The following SLC22A3 variants were observed in gnomAD, a reference collection of about 807,000 sequenced individuals.
SLC22A3 encodes the protein solute carrier family 22 member 3.
A neutral mutation model predicts 59.1 loss-of-function variants in SLC22A3; 51 were observed. That is an observed-to-expected ratio of 0.86 (90% CI 0.69 to 1.09). SLC22A3 has a LOEUF of 1.09. SLC22A3 is among the 50% of genes least tolerant of loss of function. The pLI, the probability that SLC22A3 is intolerant of heterozygous loss-of-function variation, is 0.00. For missense variants in SLC22A3, 711 were observed against 726.3 expected (o/e 0.98, Z 0.24); for synonymous variants, 325 against 292.0 (o/e 1.11, Z -1.15).
At chr6:160,441,240 C>T (rs1357075528) in intron 7 of SLC22A3, among the ~76,000 whole-genome samples, 1 of 152,146 alleles carries the variant, frequency 6.6e-6, no homozygotes, top group African/African-American at 2.4e-5. Flanking sequence ...CCACTTTCCC[C>T]TTCCAGTACC....
At position 160,386,328 on chromosome 6, in the gene SLC22A3, T is replaced by A. The variant is rs570079677; in HGVS notation, c.430-11651T>A. ...AGGAAGGGGAAATAGAAGGAAATAT[T>A]TGAAGAGGAAAGGTTGTGGCACTGC... On this transcript the variant is annotated intron_variant, in intron 1 of 10. Coordinates refer to ENST00000275300, the MANE Select transcript of SLC22A3 (RefSeq NM_021977.4). Among the ~76,000 whole-genome samples the A allele has an allele frequency of 3.3e-5, 5 of 152,366 alleles. No individual in the cohort carries two copies. In the South Asian group the frequency reaches 8.3e-4, roughly 25 times the overall value.
intron 8 of SLC22A3, 37 bp downstream of exon 8, chr6:160,442,906 C>T: frequency 4.8e-6 from 7 of 1,471,068 alleles, no homozygotes; most frequent in Non-Finnish European, 6.7e-6. Context: ...TCCTAAGTAA[C>T]TCTGTAGACC....
At chr6:160,368,586 A>C (rs530712955) in intron 1 of SLC22A3, among the ~76,000 whole-genome samples, 26 of 152,176 alleles carry the variant, frequency 1.7e-4, no homozygotes, top group African/African-American at 6.3e-4. Context: ...AGGCACATTC[A>C]TCATCTCTAC....
intron 10 of SLC22A3, among the ~76,000 whole-genome samples, chr6:160,449,444 A>C (rs2941383): frequency 0.84 from 128,463 of 152,104 alleles, 54,448 homozygotes; most frequent in East Asian, 1. Flanking sequence ...GAAAAAAAAT[A>C]TAGTAGAAGT....
At chr6:160,405,178 A>G (rs937132725) in intron 2 of SLC22A3, among the ~76,000 whole-genome samples, 2 of 152,172 alleles carry the variant, frequency 1.3e-5, no homozygotes, top group African/African-American at 2.4e-5. Flanking sequence ...CTGTTATCCA[A>G]AATATATAAA....
Position 160,442,850 on chromosome 6 carries a change from T to A in SLC22A3, c.1378T>A (p.Leu460Met). ...FEIVYLVNSE[L>M]YPTTLRNFGV... Reference sequence around the variant, plus strand: ...AATTGTTTATTTGGTAAATTCAGAATTGTACCCAACAACATTACGGTAATT... The same window carrying A: ...AATTGTTTATTTGGTAAATTCAGAAATGTACCCAACAACATTACGGTAATT... Residue 460 changes from leucine (L) to methionine (M), a missense_variant, in exon 8 of 11, where the codon TTG (leucine) becomes ATG (methionine). Transcript: ENST00000275300. The A allele has an allele frequency of 1.9e-6, 3 of 1,612,890 alleles. No individual in the cohort carries two copies. The highest frequency in any genetic ancestry group is 8.5e-7 in the Non-Finnish European group (1 of 1,178,876).
rs886935657 is a variant in SLC22A3 at position 160,451,864 on chromosome 6, T to A, written c.*808T>A. 6.6e-6 allele frequency: 1 copy of A among 152,200 alleles called. No homozygotes were observed. The highest frequency in any genetic ancestry group is 1.5e-5 in the Non-Finnish European group (1 of 68,022). 9.4% of individuals were successfully genotyped at this position (152,200 alleles called of 1,614,324 possible). ...TCCCTTCTTTACTAAACAAATCCCA[T>A]GGATTCTGATTTCTGGGTCTTAGGA... is the stretch of plus-strand genomic sequence containing the variant. On this transcript the variant is annotated 3_prime_UTR_variant, in exon 11 of 11. Transcript: ENST00000275300.
At chr6:160,377,569 C>T (rs1382055838) in intron 1 of SLC22A3, among the ~76,000 whole-genome samples, 1 of 152,084 alleles carries the variant, frequency 6.6e-6, no homozygotes, top group African/African-American at 2.4e-5. Flanking sequence ...TGTCTTAAGG[C>T]TGGAGTGGAC....
chr6:160,403,891 A>C (rs2114845473), intron 2 of SLC22A3, among the ~76,000 whole-genome samples: 1 of 152,116 alleles, frequency 6.6e-6, no homozygotes, highest in East Asian at 1.9e-4. Flanking sequence ...CTCTCAGTAA[A>C]CTAGAAATAT....
rs771417375 is a variant in SLC22A3 at position 160,442,752 on chromosome 6, T to G, written c.1289-9T>G. 1 of 1,602,132 alleles carries G rather than the reference T, an allele frequency of 6.2e-7. No individual in the cohort carries two copies. Among genetic ancestry groups the G allele is most frequent in the South Asian group, 1.1e-5 (1 of 90,862 alleles). On this transcript the variant is annotated splice_polypyrimidine_tract_variant and intron_variant, in intron 7 of 10. Coordinates refer to ENST00000275300, the MANE Select transcript of SLC22A3 (RefSeq NM_021977.4). ...TAACTCCTCCCTTTCAAACTTTCTG[T>G]GTTTGCAGGAATAGCATGGTTGAGG...
chr6:160,357,319 C>T lies in SLC22A3; in HGVS notation c.429+8471C>T, dbSNP rs188054171. ...GACCACTGGTCCCAACATGGAAAAG[C>T]GTCCCAGAAGCCTTTCCCAGTTGCT... is the stretch of plus-strand genomic sequence containing the variant. On this transcript the variant is annotated intron_variant, in intron 1 of 10. Transcript: ENST00000275300. Among the ~76,000 whole-genome samples the T allele has an allele frequency of 1.2e-4, 19 of 152,324 alleles. No homozygotes were observed. In the East Asian group the frequency reaches 1.3e-3, roughly 11 times the overall value.
intron 5 of SLC22A3, among the ~76,000 whole-genome samples, chr6:160,421,651 G>T (rs1787745011): frequency 6.6e-6 from 1 of 152,200 alleles, no homozygotes; most frequent in Non-Finnish European, 1.5e-5. Context: ...AGCCACACGG[G>T]CTTGTTTTAT....
chr6:160,448,271 T>TA (rs1452922894), intron 10 of SLC22A3, among the ~76,000 whole-genome samples: 1 of 152,112 alleles, frequency 6.6e-6, no homozygotes, highest in African/African-American at 2.4e-5. Context: ...ATAGTATTTA[T>TA]AAAAAACTAA....
chr6:160,404,197 A>C (rs1050872458), intron 2 of SLC22A3, among the ~76,000 whole-genome samples: 2 of 41,650 alleles, frequency 4.8e-5, no homozygotes, highest in Admixed American at 1.9e-4. Flanking sequence ...CAACAACAAC[A>C]ACCAAAAAAA....
intron 1 of SLC22A3, among the ~76,000 whole-genome samples, chr6:160,364,988 GT>G (rs1193421322): frequency 6.6e-6 from 1 of 151,440 alleles, no homozygotes; most frequent in African/African-American, 2.4e-5. Context: ...TTTTTACTAT[GT>G]AAAAAAATAC....
chr6:160,370,692 C>T (rs1293069149), intron 1 of SLC22A3, among the ~76,000 whole-genome samples: 1 of 152,166 alleles, frequency 6.6e-6, no homozygotes, highest in South Asian at 2.1e-4. Context: ...TTCCTTCAGT[C>T]CAGGCTTCCT....
chr6:160,410,625 G>A (rs919070385), intron 4 of SLC22A3, 104 bp from the exon 5 acceptor site: 21 of 769,500 alleles, frequency 2.7e-5, no homozygotes, highest in Non-Finnish European at 4.5e-5. Context: ...ACTCCTAAAT[G>A]TATATCTAAT....
rs772653083 is a variant in SLC22A3, at chr6:160,348,600, G to A, written c.181G>A (p.Glu61Lys). The A allele has an allele frequency of 2.6e-6, 4 of 1,512,218 alleles. No individual in the cohort carries two copies. The highest frequency in any genetic ancestry group is 2.9e-5 in the African/African-American group (2 of 69,526). 93.7% of individuals were successfully genotyped at this position (1,512,218 alleles called of 1,614,324 possible). ...CGGGCCAAGTGCCGCGGCGCTGGCC[G>A]AGCGCTGCGGCTGGAGCCCGGAGGA... is the stretch of plus-strand genomic sequence containing the variant. The part of the protein sequence containing the change: ...CRGPSAAALA[E>K]RCGWSPEEEW... Residue 61 changes from glutamate (E) to lysine (K), a missense_variant, in exon 1 of 11, where the codon GAG (glutamate) becomes AAG (lysine). Glu to Lys is a moderately conservative substitution (Grantham distance 56). Coordinates refer to ENST00000275300, the MANE Select transcript of SLC22A3 (RefSeq NM_021977.4).
At chr6:160,390,838 C>T (rs1459151708) in intron 1 of SLC22A3, among the ~76,000 whole-genome samples, 7 of 152,094 alleles carry the variant, frequency 4.6e-5, no homozygotes, top group Admixed American at 2.6e-4. Flanking sequence ...TGATTCGCTC[C>T]TGGTTCTGGA....
Sources: allele counts gnomAD v4.1 joint callset (sites outside exome capture counted in the v4.1 genomes callset), GRCh38; gene constraint gnomAD v4.1.1; transcripts MANE v1.5; gene names NCBI Gene and HGNC (gene_info 2026-07-23, HGNC 2026-07-21).